The following CDH12 variants were observed in gnomAD, a reference collection of about 807,000 sequenced individuals.
The protein encoded by CDH12 is cadherin 12.
In CDH12, 41 loss-of-function variants were observed where a neutral mutation model predicts 74.1. The ratio of observed to expected loss-of-function variants is 0.55; its 90% CI spans 0.43 to 0.72. CDH12 has a LOEUF of 0.72. Among genes scored for constraint, CDH12 ranks in the 30% least tolerant of loss-of-function variants. The pLI is 0.00. For missense variants in CDH12, 945 were observed against 977.2 expected, an observed-to-expected ratio of 0.97 and a Z score of 0.44; for synonymous variants, 399 against 355.0, an observed-to-expected ratio of 1.12 and a Z score of -1.39.
chr5:22,599,712 C>A (rs999678412), intron 1 of CDH12, among the ~76,000 whole-genome samples: 7 of 151,914 alleles, frequency 4.6e-5, no homozygotes, highest in Admixed American at 4.6e-4. Context: ...ACAAGGTGAA[C>A]GTTAGTTTAT....
At chr5:22,746,880 T>G (rs866125746) in intron 1 of CDH12, among the ~76,000 whole-genome samples, 55 of 152,292 alleles carry the variant, frequency 3.6e-4, no homozygotes, top group African/African-American at 1.2e-3. Context: ...AAGTATATAA[T>G]CATTATGTGG....
chr5:22,500,695 T>C (rs1187683291), intron 2 of CDH12, among the ~76,000 whole-genome samples: 1 of 152,164 alleles, frequency 6.6e-6, no homozygotes, highest in Non-Finnish European at 1.5e-5. Context: ...TATGTTCTGA[T>C]ACTTGGCTTT....
At chr5:21,949,543 T>C (rs1192063637) in intron 6 of CDH12, among the ~76,000 whole-genome samples, 1 of 151,812 alleles carries the variant, frequency 6.6e-6, no homozygotes, top group Non-Finnish European at 1.5e-5. Context: ...TGATAGGAGA[T>C]GTCAACAGAT....
chr5:21,810,252 C>T (rs909396546), intron 9 of CDH12, among the ~76,000 whole-genome samples: 1 of 152,002 alleles, frequency 6.6e-6, no homozygotes, highest in African/African-American at 2.4e-5. Context: ...TTCTTTCATT[C>T]CCCCATGAAT....
intron 1 of CDH12, among the ~76,000 whole-genome samples, chr5:22,534,586 G>A (rs1319793645): frequency 1.3e-5 from 2 of 152,074 alleles, no homozygotes; most frequent in East Asian, 3.9e-4. Context: ...TCTGCTGTGA[G>A]GATGTCCAAG....
intron 1 of CDH12, among the ~76,000 whole-genome samples, chr5:22,629,651 A>G (rs1358464136): frequency 6.6e-6 from 1 of 152,172 alleles, no homozygotes; most frequent in Non-Finnish European, 1.5e-5. Context: ...CACAGCCAAC[A>G]TCATAATGAA....
intron 1 of CDH12, among the ~76,000 whole-genome samples, chr5:22,642,270 T>C (rs1466733312): frequency 6.6e-6 from 1 of 152,228 alleles, no homozygotes; most frequent in Non-Finnish European, 1.5e-5. Context: ...CTAAATTATA[T>C]AGAGACATTT....
chr5:22,010,288 T>C (rs2150152102), intron 5 of CDH12, among the ~76,000 whole-genome samples: 1 of 152,316 alleles, frequency 6.6e-6, no homozygotes, highest in Non-Finnish European at 1.5e-5. Context: ...CTTCTCCCTT[T>C]TCCATGCCAG....
At chr5:22,627,297 C>G (rs1738349785) in intron 1 of CDH12, among the ~76,000 whole-genome samples, 1 of 151,922 alleles carries the variant, frequency 6.6e-6, no homozygotes, top group African/African-American at 2.4e-5. Context: ...ATCAGATTCT[C>G]CAAGGTCGAT....
intron 1 of CDH12, among the ~76,000 whole-genome samples, chr5:22,524,398 T>A (rs879797157): frequency 1.3e-5 from 2 of 152,214 alleles, no homozygotes; most frequent in African/African-American, 4.8e-5. Context: ...ATAATCCCTT[T>A]CCCTTTGGAA....
chr5:22,545,005 C>T (rs919041015), intron 1 of CDH12, among the ~76,000 whole-genome samples: 14 of 152,064 alleles, frequency 9.2e-5, no homozygotes, highest in African/African-American at 2.9e-4. Flanking sequence ...TACTCACACA[C>T]GTACACATAC....
chr5:22,057,005 A>T (rs1053233233), intron 5 of CDH12, among the ~76,000 whole-genome samples: 2 of 152,266 alleles, frequency 1.3e-5, no homozygotes, highest in South Asian at 4.1e-4. Context: ...CTGCATGTTC[A>T]CAAATGAAAA....
intron 1 of CDH12, among the ~76,000 whole-genome samples, chr5:22,658,371 T>C (rs1740168878): frequency 6.6e-6 from 1 of 152,178 alleles, no homozygotes; most frequent in Non-Finnish European, 1.5e-5. Flanking sequence ...ATATTCATTC[T>C]GCATACATAA....
At chr5:22,102,063 T>C (rs1355563424) in intron 4 of CDH12, among the ~76,000 whole-genome samples, 1 of 152,202 alleles carries the variant, frequency 6.6e-6, no homozygotes, top group East Asian at 1.9e-4. Context: ...CTTTTAACAG[T>C]ATCTTTAGAG....
intron 1 of CDH12, among the ~76,000 whole-genome samples, chr5:22,562,002 A>T (rs1224906343): frequency 6.6e-6 from 1 of 152,220 alleles, no homozygotes; most frequent in African/African-American, 2.4e-5. Context: ...GTGTATAAAA[A>T]TGTTTTCATC....
At chr5:21,898,058 G>A (rs1384835088) in intron 6 of CDH12, among the ~76,000 whole-genome samples, 1 of 151,600 alleles carries the variant, frequency 6.6e-6, no homozygotes, top group Non-Finnish European at 1.5e-5. Context: ...TTAATGACAG[G>A]CATGACCTTA....
chr5:22,262,299 T>C (rs919083661), intron 3 of CDH12, among the ~76,000 whole-genome samples: 3 of 125,786 alleles, frequency 2.4e-5, no homozygotes, highest in African/African-American at 9.1e-5. Context: ...CCCCAGAGTG[T>C]GATATTCCCC....
At chr5:22,273,679 A>G (rs956500802) in intron 3 of CDH12, among the ~76,000 whole-genome samples, 2 of 152,156 alleles carry the variant, frequency 1.3e-5, no homozygotes, top group African/African-American at 2.4e-5. Context: ...TCCACTTCTC[A>G]GACTGAGCTG....
Position 22,732,471 on chromosome 5 carries a change from T to TAC in CDH12, c.-523+120585_-523+120586dup, listed in dbSNP as rs58402882. Among the ~76,000 whole-genome samples the TAC allele has an allele frequency of 6.1e-3, 444 of 72,684 alleles. 2 individuals are homozygous for TAC. Among genetic ancestry groups the TAC allele is most frequent in the African/African-American group, 0.014 (286 of 19,960 alleles). The allele number at this position is 72,684 out of a possible 152,430, so 47.7% of individuals were successfully genotyped here. On this transcript the variant is annotated intron_variant, in intron 1 of 14. Coordinates refer to ENST00000382254, the MANE Select transcript of CDH12 (RefSeq NM_004061.5). ...GAATGTGTGTGTATATATATATATATACACACACACACACACACACACACA... is the reference window on the plus strand; with the variant it reads ...GAATGTGTGTGTATATATATATATATACACACACACACACACACACACACACA...
Sources: allele counts gnomAD v4.1 joint callset (sites outside exome capture counted in the v4.1 genomes callset), GRCh38; gene constraint gnomAD v4.1.1; transcripts MANE v1.5; gene names NCBI Gene and HGNC (gene_info 2026-07-23, HGNC 2026-07-21).